The following AASS variants were observed in gnomAD, a reference collection of about 807,000 sequenced individuals.
AASS encodes aminoadipate-semialdehyde synthase.
A neutral mutation model predicts 105.4 loss-of-function variants in AASS; 86 were observed. The ratio of observed to expected loss-of-function variants is 0.82; its 90% CI spans 0.69 to 0.98. The LOEUF is 0.98. Among genes scored for constraint, AASS ranks in the 50% least tolerant of loss-of-function variants. The pLI is 0.00. For missense variants in AASS, 1,048 were observed against 1,143.2 expected, an observed-to-expected ratio of 0.92 and a Z score of 1.20; for synonymous variants, 381 against 394.8, an observed-to-expected ratio of 0.96 and a Z score of 0.41.
rs572649287 is a variant in AASS at position 122,114,325 on chromosome 7, T to G, written c.1044-605A>C. Among the ~76,000 whole-genome samples the G allele has an allele frequency of 3.2e-4, 49 of 152,328 alleles. 1 individual carries two copies. Among genetic ancestry groups the G allele is most frequent in the African/African-American group, 1.1e-3 (47 of 41,576 alleles). On this transcript the variant is annotated intron_variant, in intron 9 of 23. Coordinates refer to ENST00000417368, the MANE Select transcript of AASS (RefSeq NM_005763.4). Reference sequence around the variant, plus strand: ...TTCTCCTCATTCCTCCCTTTAAGGTTTGCTGCGCCCAATGCTTCTGCTTTC... The same window carrying G: ...TTCTCCTCATTCCTCCCTTTAAGGTGTGCTGCGCCCAATGCTTCTGCTTTC...
intron 20 of AASS, 76 bp from the exon 21 acceptor site, chr7:122,079,788 T>A: frequency 1.1e-6 from 1 of 937,656 alleles, no homozygotes; most frequent in Non-Finnish European, 1.7e-6. Flanking sequence ...ATTATCCTAC[T>A]AAAACACTGA....
At chr7:122,087,574 A>T (rs1793687814) in intron 18 of AASS, among the ~76,000 whole-genome samples, 1 of 152,156 alleles carries the variant, frequency 6.6e-6, no homozygotes, top group Non-Finnish European at 1.5e-5. Flanking sequence ...AAGAAAGCAA[A>T]TGTTGGGCAT....
intron 1 of AASS, among the ~76,000 whole-genome samples, chr7:122,134,807 A>G (rs1326461210): frequency 6.6e-6 from 1 of 152,200 alleles, no homozygotes; most frequent in Non-Finnish European, 1.5e-5. Flanking sequence ...TCATGCTGCT[A>G]TAAAGACACA....
intron 11 of AASS, among the ~76,000 whole-genome samples, chr7:122,110,046 G>T (rs1470726823): frequency 6.6e-6 from 1 of 151,918 alleles, no homozygotes; most frequent in Non-Finnish European, 1.5e-5. Flanking sequence ...AGAAACACAG[G>T]AAAACAATTA....
At chr7:122,085,371 T>C in intron 19 of AASS, among the ~76,000 whole-genome samples, 1 of 152,206 alleles carries the variant, frequency 6.6e-6, no homozygotes, top group East Asian at 1.9e-4. Context: ...TCAATAAATG[T>C]GTAGTGGACA....
intron 15 of AASS, among the ~76,000 whole-genome samples, chr7:122,094,528 C>G (rs1794052933): frequency 6.6e-6 from 1 of 151,880 alleles, no homozygotes; most frequent in Non-Finnish European, 1.5e-5. Context: ...CTGCAGACAG[C>G]TTTACCAAAT....
chr7:122,103,434 C>A (rs144509127), intron 11 of AASS, among the ~76,000 whole-genome samples: 132 of 152,114 alleles, frequency 8.7e-4, no homozygotes, highest in South Asian at 7.3e-3. Flanking sequence ...TTCTTCACCA[C>A]TAGAGCTGCT....
At chr7:122,131,704 C>T (rs1032951737) in intron 2 of AASS, among the ~76,000 whole-genome samples, 3 of 151,890 alleles carry the variant, frequency 2.0e-5, no homozygotes, top group African/African-American at 7.3e-5. Flanking sequence ...ATCTCAGTAA[C>T]AATAAACATG....
rs1270298251 is a variant in AASS, at chr7:122,077,942, T to C, written c.2558A>G (p.His853Arg). ...ATAAGCCACAAGATCAATCGTTTTA[T>C]GTTCTAAATGTCCAGAAGGATGTCT... The part of the protein sequence containing the change: ...GIRHPSGHLE[H>R]KTIDLVAYGD... The change falls in exon 23 of 24, where the codon CAT becomes CGT. Residue 853 changes from histidine (H) to arginine (R), a missense_variant. Transcript: ENST00000417368. The C allele has an allele frequency of 3.1e-6, 5 of 1,614,236 alleles. No individual in the cohort carries two copies. Among genetic ancestry groups the C allele is most frequent in the Admixed American group, 3.3e-5 (2 of 60,028 alleles).
chr7:122,132,992 G>A (rs1201878947), intron 2 of AASS, among the ~76,000 whole-genome samples: 2 of 152,176 alleles, frequency 1.3e-5, no homozygotes, highest in Admixed American at 6.5e-5. Context: ...TCTTAGGTAT[G>A]AAAGTCATAT....
At chr7:122,111,504 T>C (rs1372724685) in intron 11 of AASS, among the ~76,000 whole-genome samples, 1 of 152,170 alleles carries the variant, frequency 6.6e-6, no homozygotes, top group Non-Finnish European at 1.5e-5. Flanking sequence ...ACATCAAAAA[T>C]GGTAAACACC....
intron 21 of AASS, 103 bp downstream of exon 21, chr7:122,079,494 G>T (rs558875844): frequency 2.7e-6 from 3 of 1,103,456 alleles, no homozygotes; most frequent in South Asian, 1.3e-5. Flanking sequence ...TTAGAGCAAC[G>T]AATTAATCAA....
At chr7:122,101,593 A>T in intron 12 of AASS, 28 bp downstream of exon 12, 2 of 1,590,630 alleles carry the variant, frequency 1.3e-6, no homozygotes, top group Non-Finnish European at 1.7e-6. Flanking sequence ...AAATACATTT[A>T]TGAAAAAATA....
intron 19 of AASS, among the ~76,000 whole-genome samples, chr7:122,083,921 T>G (rs1428449247): frequency 6.6e-6 from 1 of 152,134 alleles, no homozygotes; most frequent in East Asian, 1.9e-4. Context: ...GTGGCCCTCA[T>G]GATTACGAAC....
At chr7:122,106,569 T>G (rs934170753) in intron 11 of AASS, among the ~76,000 whole-genome samples, 5 of 151,706 alleles carry the variant, frequency 3.3e-5, no homozygotes, top group Admixed American at 1.3e-4. Flanking sequence ...CAAAGACCAA[T>G]AAAACAGAAT....
At position 122,134,536 on chromosome 7, in the gene AASS, T is replaced by A. The variant is rs188773824; in HGVS notation, c.-15-795A>T. On this transcript the variant is annotated intron_variant, in intron 1 of 23. Coordinates refer to ENST00000417368, the MANE Select transcript of AASS (RefSeq NM_005763.4). ...ACCCACCTGGCTAAGTTCTTTTTTT[T>A]AATTTATAACAAATTACTGGGATTA... Among the ~76,000 whole-genome samples the A allele has an allele frequency of 2.3e-3, 353 of 152,276 alleles. 2 individuals are homozygous for A. Among genetic ancestry groups the A allele is most frequent in the Middle Eastern group, 6.8e-3 (2 of 294 alleles).
chr7:122,098,525 T>C lies in AASS; in HGVS notation c.1580A>G (p.Asn527Ser). The C allele has an allele frequency of 1.2e-6, 2 of 1,611,222 alleles. No individual in the cohort carries two copies. Among genetic ancestry groups the C allele is most frequent in the Non-Finnish European group, 8.5e-7 (1 of 1,178,046 alleles). The change falls in exon 15 of 24, where the codon AAT becomes AGT. Residue 527 changes from asparagine to serine, a missense_variant. Asn to Ser is a conservative substitution (Grantham distance 46, BLOSUM62 1). Transcript: ENST00000417368. ...IEQLGKKYNINPVSMDICKQE... is the reference protein window; with the variant it reads ...IEQLGKKYNISPVSMDICKQE... The stretch of plus-strand genomic sequence containing the variant: ...TTTACAAATGTCCATGCTAACAGGA[T>C]TAATATTATATTTCTTGCCTAACTG...
At chr7:122,103,832 G>A (rs1027550969) in intron 11 of AASS, among the ~76,000 whole-genome samples, 10 of 151,886 alleles carry the variant, frequency 6.6e-5, no homozygotes, top group Middle Eastern at 6.8e-3. Context: ...GCTGGTGGGA[G>A]GGTAGAATTC....
At chr7:122,120,603 T>A (rs964641743) in intron 4 of AASS, among the ~76,000 whole-genome samples, 2 of 152,012 alleles carry the variant, frequency 1.3e-5, no homozygotes, top group South Asian at 4.1e-4. Flanking sequence ...TTGCGTTTGA[T>A]TTAATTTCTC....
Sources: gnomAD v4.1 joint callset for allele counts (sites outside exome capture counted in the v4.1 genomes callset) on GRCh38, gnomAD v4.1.1 for gene constraint, MANE v1.5 for transcripts, NCBI Gene and HGNC (gene_info 2026-07-23, HGNC 2026-07-21) for gene names.